Variants in TOMM20L observed in about 807,000 individuals in gnomAD.
TOMM20L encodes the protein translocase of outer mitochondrial membrane 20 like.
A neutral mutation model predicts 20.4 loss-of-function variants in TOMM20L; 19 were observed. The ratio of observed to expected loss-of-function variants is 0.93; its 90% CI spans 0.65 to 1.36. TOMM20L has a LOEUF of 1.36. TOMM20L is among the 40% of genes most tolerant of loss of function. The probability of loss-of-function intolerance (pLI) is 0.00; values close to 1 mark genes in which losing one functional copy is unlikely to be tolerated. For synonymous variants in TOMM20L, 75 were observed against 79.6 expected, an observed-to-expected ratio of 0.94 and a Z score of 0.30; for missense variants, 218 against 203.7, an observed-to-expected ratio of 1.07 and a Z score of -0.43.
chr14:58,395,999 G>A lies in TOMM20L; in HGVS notation c.42G>A (p.Ala14=). 6.9e-7 allele frequency: 1 copy of A among 1,451,650 alleles called. No homozygotes were observed. Among genetic ancestry groups the A allele is most frequent in the Non-Finnish European group, 9.1e-7 (1 of 1,095,916 alleles). 89.9% of individuals were successfully genotyped at this position (1,451,650 alleles called of 1,614,324 possible). The change falls in exon 1 of 5, where the codon GCG becomes GCA. Residue 14 remains alanine, a synonymous_variant. Coordinates refer to ENST00000360945, the MANE Select transcript of TOMM20L (RefSeq NM_207377.3). The stretch of plus-strand genomic sequence containing the variant: ...CCCTCCTCCGCCTCTTGGCCGCCGC[G>A]GCGGCCTGTGGCGCCTTCGCCTTCC... ...VRSLLRLLAA[A]AACGAFAFLG...
chr14:58,412,206 C>G, downstream of TOMM20L: 38 of 350,612 alleles, frequency 1.1e-4, no homozygotes, highest in South Asian at 1.7e-4. Context: ...GCAGTGGCGC[C>G]ATCTTGGCTC....
At chr14:58,401,747 G>A (rs922595168) in intron 2 of TOMM20L, among the ~76,000 whole-genome samples, 1 of 152,136 alleles carries the variant, frequency 6.6e-6, no homozygotes, top group Admixed American at 6.6e-5. Context: ...ACCAACCCTA[G>A]GTGTAGTACC....
chr14:58,409,165 T>A, downstream of TOMM20L: 2 of 1,612,690 alleles, frequency 1.2e-6, no homozygotes, highest in South Asian at 1.1e-5. Flanking sequence ...TCTGAACAGG[T>A]GGTCTAGGAA....
intron 3 of TOMM20L, 132 bp from the exon 4 acceptor site, chr14:58,407,193 TC>T (rs1406421936): frequency 2.5e-6 from 2 of 801,852 alleles, no homozygotes; most frequent in Non-Finnish European, 3.9e-6. Flanking sequence ...ACTCTACTCT[TC>T]ACAAGACTTG....
At chr14:58,410,864 T>C, downstream of TOMM20L, 1 of 1,609,348 alleles carries the variant, frequency 6.2e-7, no homozygotes, top group Non-Finnish European at 8.5e-7. Context: ...TTACTTCTCT[T>C]GTTGTGAAGT....
At chr14:58,396,833 G>A (rs149914702) in intron 2 of TOMM20L, among the ~76,000 whole-genome samples, 2,584 of 152,320 alleles carry the variant, frequency 0.017, 33 homozygotes, top group Non-Finnish European at 0.025. Context: ...GGTGGCTCAC[G>A]CCTGTAATCC....
intron 2 of TOMM20L, 137 bp downstream of exon 2, chr14:58,396,478 C>G: frequency 1.1e-6 from 1 of 888,102 alleles, no homozygotes; most frequent in Non-Finnish European, 1.8e-6. Context: ...CCTGCCCTCG[C>G]GCGCCACGCA....
chr14:58,398,617 A>G (rs2035954515), intron 2 of TOMM20L: 1 of 152,140 alleles, frequency 6.6e-6, no homozygotes, highest in Admixed American at 6.6e-5. Flanking sequence ...AGTTGAAGAC[A>G]AGAAAATCAG....
chr14:58,407,346 C>T lies in TOMM20L; in HGVS notation c.283C>T (p.Gln95Ter). 6.2e-7 allele frequency: 1 copy of T among 1,608,842 alleles called. No individual in the cohort carries two copies. Among genetic ancestry groups the T allele is most frequent in the Non-Finnish European group, 8.5e-7 (1 of 1,178,292 alleles). ...LSRGEHRMGI[Q>*]HLGNALLVCE... ...TTCAGGAGAGCACAGAATGGGGATT[C>T]AACACCTCGGCAATGCCCTTTTAGT... Residue 95 changes from glutamine to a stop codon, truncating the protein, a stop_gained, in exon 4 of 5, where the codon CAA becomes TAA. Coordinates refer to ENST00000360945, the MANE Select transcript of TOMM20L (RefSeq NM_207377.3). LOFTEE classifies it high-confidence loss of function.
chr14:58,416,836 C>T, the TOMM20L span, among the ~76,000 whole-genome samples: 3 of 152,148 alleles, frequency 2.0e-5, no homozygotes, highest in African/African-American at 4.8e-5. Context: ...GGCCAGGTGT[C>T]GTGGCTCATG....
intron 2 of TOMM20L, among the ~76,000 whole-genome samples, chr14:58,399,843 A>G (rs2035969609): frequency 7.2e-6 from 1 of 139,314 alleles, no homozygotes; most frequent in South Asian, 2.4e-4. Flanking sequence ...AACTTCATCC[A>G]TCATAAACAA....
chr14:58,413,400 T>C (rs796608551), downstream of TOMM20L, among the ~76,000 whole-genome samples: 16 of 152,296 alleles, frequency 1.1e-4, no homozygotes, highest in African/African-American at 3.1e-4. Context: ...TGCTTAGAAA[T>C]TGACAACCCT....
chr14:58,415,592 T>C, the TOMM20L span, among the ~76,000 whole-genome samples: 4 of 151,898 alleles, frequency 2.6e-5, no homozygotes, highest in Non-Finnish European at 5.9e-5. Context: ...ATAAAATCAA[T>C]AGGAGAATGG....
chr14:58,411,914 A>G (rs767131312), downstream of TOMM20L: 72 of 1,613,690 alleles, frequency 4.5e-5, no homozygotes, highest in Non-Finnish European at 6.1e-5. Context: ...TACCTGTTTT[A>G]TCTGATCAGA....
chr14:58,402,553 G>A (rs1284006398), intron 2 of TOMM20L, 127 bp from the exon 3 acceptor site: 1 of 653,210 alleles, frequency 1.5e-6, no homozygotes, highest in Non-Finnish European at 2.6e-6. Context: ...CTCCCAAAGT[G>A]TTGGGATTAC....
intron 4 of TOMM20L, 69 bp downstream of exon 4, chr14:58,407,537 G>C (rs2036079527): frequency 6.8e-7 from 1 of 1,477,846 alleles, no homozygotes; most frequent in African/African-American, 1.4e-5. Context: ...TGACTACACA[G>C]AAATATCAAA....
the TOMM20L span, among the ~76,000 whole-genome samples, chr14:58,414,736 C>CAAAAAAA: frequency 8.5e-6 from 1 of 117,556 alleles, no homozygotes; most frequent in Non-Finnish European, 1.7e-5. Context: ...GACGCCATCT[C>CAAAAAAA]AAAAAAAAAA....
At chr14:58,398,704 CTAAT>C (rs1236408842) in intron 2 of TOMM20L, 5 of 150,726 alleles carry the variant, frequency 3.3e-5, no homozygotes, top group African/African-American at 4.9e-5. Context: ...ATAATATAAT[CTAAT>C]TATATTCATA....
chr14:58,404,347 T>G (rs867728016), intron 3 of TOMM20L, among the ~76,000 whole-genome samples: 1 of 148,928 alleles, frequency 6.7e-6, no homozygotes, highest in Non-Finnish European at 1.5e-5. Flanking sequence ...GCCGGGATGG[T>G]CTCGATCTCC....
Sources: gnomAD v4.1 joint callset for allele counts (sites outside exome capture counted in the v4.1 genomes callset) on GRCh38, gnomAD v4.1.1 for gene constraint, MANE v1.5 for transcripts, NCBI Gene and HGNC (gene_info 2026-07-23, HGNC 2026-07-21) for gene names.